Variants in GSG1L observed in about 807,000 individuals in gnomAD.
GSG1L encodes the protein GSG1 like.
GSG1L carries 24 observed loss-of-function variants against 42.1 expected under a neutral mutation model. The observed-to-expected ratio is 0.57, with a 90% CI of 0.41 to 0.80. The LOEUF is 0.80. Among genes scored for constraint, GSG1L ranks in the 30% least tolerant of loss-of-function variants. The probability of loss-of-function intolerance (pLI) is 0.00; values close to 1 mark genes in which losing one functional copy is unlikely to be tolerated. For missense variants in GSG1L, 445 were observed against 472.2 expected, an observed-to-expected ratio of 0.94 and a Z score of 0.53; for synonymous variants, 215 against 203.5, an observed-to-expected ratio of 1.06 and a Z score of -0.48.
intron 1 of GSG1L, among the ~76,000 whole-genome samples, chr16:28,009,851 C>T (rs1475623521): frequency 6.6e-6 from 1 of 152,210 alleles, no homozygotes; most frequent in Non-Finnish European, 1.5e-5. Context: ...CAGCTGTTAG[C>T]CACATAACAA....
chr16:27,903,077 A>G (rs1164324061), intron 2 of GSG1L, among the ~76,000 whole-genome samples: 2 of 152,098 alleles, frequency 1.3e-5, no homozygotes, highest in African/African-American at 4.8e-5. Context: ...CAGGAGTCCC[A>G]GGGGTTTCTG....
intron 2 of GSG1L, among the ~76,000 whole-genome samples, chr16:27,917,893 C>T (rs1567518029): frequency 6.6e-6 from 1 of 152,052 alleles, no homozygotes; most frequent in East Asian, 1.9e-4. Flanking sequence ...TCTCAGACTC[C>T]ATGCCATGGT....
intron 4 of GSG1L, 21 bp downstream of exon 4, chr16:27,844,929 T>C (rs1430197189): frequency 2.9e-6 from 4 of 1,395,102 alleles, no homozygotes. Flanking sequence ...GAAGCTGCTC[T>C]TGTCCTGAAG....
intron 3 of GSG1L, among the ~76,000 whole-genome samples, chr16:27,847,400 G>A (rs1254613001): frequency 2.0e-5 from 3 of 152,206 alleles, no homozygotes; most frequent in Non-Finnish European, 2.9e-5. Context: ...CTTAGAGCAG[G>A]AAGAGCTGTC....
At chr16:28,005,279 AATTCTGT>A (rs1258224088) in intron 1 of GSG1L, among the ~76,000 whole-genome samples, 1 of 152,024 alleles carries the variant, frequency 6.6e-6, no homozygotes, top group Non-Finnish European at 1.5e-5. Flanking sequence ...ATGCCCAGCT[AATTCTGT>A]ATTTTTAGTA....
intron 4 of GSG1L, among the ~76,000 whole-genome samples, chr16:27,837,320 C>A (rs1373121492): frequency 6.6e-6 from 1 of 152,156 alleles, no homozygotes; most frequent in East Asian, 1.9e-4. Context: ...CCTGGTCTCT[C>A]CCTTGACACG....
rs1335368563 is a variant in GSG1L, at chr16:28,035,011, G to GTTT, written c.349+28062_349+28064dup. Reference sequence around the variant, plus strand: ...CCATGTACTCACTAATTGCAGCTGTGTTTTATTATTATTGTTATTTATAGA... The same window carrying GTTT: ...CCATGTACTCACTAATTGCAGCTGTGTTTTTTTATTATTATTGTTATTTATAGA... On this transcript the variant is annotated intron_variant, in intron 1 of 6. Coordinates refer to ENST00000447459, the MANE Select transcript of GSG1L (RefSeq NM_001109763.2). Among the ~76,000 whole-genome samples the GTTT allele has an allele frequency of 4.6e-5, 7 of 152,090 alleles. No homozygotes were observed. The South Asian group carries it at 1.5e-3, about 32-fold the overall frequency.
intron 3 of GSG1L, among the ~76,000 whole-genome samples, chr16:27,851,659 G>A (rs1272744768): frequency 3.9e-5 from 6 of 152,172 alleles, no homozygotes; most frequent in South Asian, 2.1e-4. Flanking sequence ...AAATGCATGC[G>A]GCTCTCAGGG....
chr16:27,945,361 C>T (rs2084849662), intron 2 of GSG1L, among the ~76,000 whole-genome samples: 1 of 152,152 alleles, frequency 6.6e-6, no homozygotes. Context: ...GCCCTCACCG[C>T]CAGAGATGGG....
At chr16:28,032,178 A>C (rs2085972637) in intron 1 of GSG1L, among the ~76,000 whole-genome samples, 1 of 152,222 alleles carries the variant, frequency 6.6e-6, no homozygotes, top group Non-Finnish European at 1.5e-5. Context: ...GAGATGCACG[A>C]ACATGATGGG....
At chr16:27,977,493 G>A (rs1309838165) in intron 1 of GSG1L, among the ~76,000 whole-genome samples, 1 of 148,466 alleles carries the variant, frequency 6.7e-6, no homozygotes, top group Non-Finnish European at 1.5e-5. Context: ...CTGGGAGGCG[G>A]AGGTTGCAGT....
intron 2 of GSG1L, among the ~76,000 whole-genome samples, chr16:27,935,516 C>T (rs2084705795): frequency 1.3e-5 from 2 of 152,132 alleles, no homozygotes; most frequent in Non-Finnish European, 2.9e-5. Flanking sequence ...GTGAAGAAGT[C>T]CTGCCTCTCA....
intron 5 of GSG1L, among the ~76,000 whole-genome samples, chr16:27,827,677 G>A (rs1227294380): frequency 1.3e-5 from 2 of 152,154 alleles, no homozygotes; most frequent in African/African-American, 2.4e-5. Flanking sequence ...ATCAGAAGAA[G>A]GTGTCTGGGA....
chr16:27,963,197 T>A lies in GSG1L; in HGVS notation c.356A>T (p.Lys119Ile). Residue 119 changes from lysine (K) to isoleucine (I), a missense_variant, in exon 2 of 7, where the codon AAA becomes ATA. By Grantham distance (102) the Lys-to-Ile change is moderately radical (BLOSUM62 -3). Transcript: ENST00000447459. ...CEEELSGLGE[K>I]CRSFIDLAPA... ...GGCCAGGTCAATGAAGCTGCGACAT[T>A]TTTCACCTTTGAAAAGAAGAGAAGC... The A allele has an allele frequency of 1.2e-6, 2 of 1,613,864 alleles. No homozygotes were observed. Among genetic ancestry groups the A allele is most frequent in the Non-Finnish European group, 1.7e-6 (2 of 1,179,808 alleles).
chr16:27,979,769 G>GAAAGAAA (rs2085303278), intron 1 of GSG1L, among the ~76,000 whole-genome samples: 1 of 43,208 alleles, frequency 2.3e-5, no homozygotes, highest in Non-Finnish European at 4.7e-5. Flanking sequence ...AAAGAAAGAA[G>GAAAGAAA]GAAAGAAAGA....
At chr16:28,015,902 G>A (rs1230208833) in intron 1 of GSG1L, among the ~76,000 whole-genome samples, 2 of 152,186 alleles carry the variant, frequency 1.3e-5, no homozygotes, top group South Asian at 2.1e-4. Context: ...CTGGGGATAT[G>A]GCAAATTGAG....
intron 3 of GSG1L, among the ~76,000 whole-genome samples, chr16:27,879,336 G>A (rs1001736690): frequency 6.6e-6 from 1 of 152,152 alleles, no homozygotes; most frequent in African/African-American, 2.4e-5. Flanking sequence ...TATAATTTGG[G>A]GCCCACGCCT....
chr16:27,845,194 G>A (rs1369298141), intron 3 of GSG1L, 133 bp from the exon 4 acceptor site: 2 of 584,380 alleles, frequency 3.4e-6, no homozygotes, highest in East Asian at 2.8e-5. Context: ...TCTGGGTAAG[G>A]GAGGTCAGCA....
At chr16:27,818,226 C>T (rs1644613) in intron 5 of GSG1L, among the ~76,000 whole-genome samples, 51,483 of 152,030 alleles carry the variant, frequency 0.34, 10,057 homozygotes, top group African/African-American at 0.51. Context: ...TCCCTCCAGC[C>T]GGCAGATATT....
Sources: gnomAD v4.1 joint callset for allele counts (sites outside exome capture counted in the v4.1 genomes callset) on GRCh38, gnomAD v4.1.1 for gene constraint, MANE v1.5 for transcripts, NCBI Gene and HGNC (gene_info 2026-07-23, HGNC 2026-07-21) for gene names.